Variants in JAK2 observed in about 807,000 individuals in gnomAD.
JAK2 encodes tyrosine-protein kinase JAK2.
In JAK2, 86 loss-of-function variants were observed where a neutral mutation model predicts 139.3. The observed-to-expected ratio is 0.62, with a 90% CI of 0.52 to 0.74. The LOEUF (loss-of-function observed/expected upper bound fraction) is 0.74, where lower values mean the gene tolerates loss of function less well. Among genes scored for constraint, JAK2 ranks in the 30% least tolerant of loss-of-function variants. The pLI is 0.00. For missense variants in JAK2, 1,421 were observed against 1,360.3 expected (o/e 1.04, Z -0.70); for synonymous variants, 490 against 437.7 (o/e 1.12, Z -1.49).
chr9:4,999,440 A>G (rs763594397), intron 2 of JAK2, among the ~76,000 whole-genome samples: 1 of 152,240 alleles, frequency 6.6e-6, no homozygotes, highest in African/African-American at 2.4e-5. Flanking sequence ...TAAAAATGAC[A>G]TTAGTCAAAG....
intron 3 of JAK2, among the ~76,000 whole-genome samples, chr9:5,023,895 TTTTTTTAGCTTTTAAGA>T (rs912002437): frequency 6.6e-6 from 1 of 152,066 alleles, no homozygotes; most frequent in Non-Finnish European, 1.5e-5. Flanking sequence ...GCTTGTAAGA[TTTTTTTAGCTTTTAAGA>T]TTTTTTAGCT....
intron 2 of JAK2, among the ~76,000 whole-genome samples, chr9:5,010,779 TGA>T (rs1422994721): frequency 2.0e-5 from 3 of 152,222 alleles, no homozygotes; most frequent in African/African-American, 7.2e-5. Context: ...TTCTTGAGTG[TGA>T]GTTTGTTGGT....
intron 8 of JAK2, among the ~76,000 whole-genome samples, chr9:5,058,533 G>C (rs1167047192): frequency 6.6e-6 from 1 of 152,158 alleles, no homozygotes; most frequent in Non-Finnish European, 1.5e-5. Context: ...AAAGATGAGA[G>C]TTGGGTGGGG....
intron 2 of JAK2, among the ~76,000 whole-genome samples, chr9:4,988,404 C>G (rs911294011): frequency 1.4e-4 from 22 of 152,114 alleles, no homozygotes; most frequent in Non-Finnish European, 2.5e-4. Flanking sequence ...TGGTATTGTC[C>G]AATTTGATTC....
rs1026907030 is a variant in JAK2 at position 5,000,064 on chromosome 9, T to C, written c.-26+14042T>C. Among the ~76,000 whole-genome samples, 8 of 152,204 alleles carry C rather than the reference T, an allele frequency of 5.3e-5. No individual in the cohort carries two copies. In the South Asian group the frequency reaches 1.7e-3, roughly 31 times the overall value. On this transcript the variant is annotated intron_variant, in intron 2 of 24. Transcript: ENST00000381652. ...ATGTTGACCATGTTTTCATTTCTTT[T>C]GTGAAATGCCTATTTATGTTCATTT...
Position 5,066,803 on chromosome 9 carries a change from A to G in JAK2, c.1326+14A>G. On this transcript the variant is annotated intron_variant, in intron 10 of 24. Coordinates refer to ENST00000381652, the MANE Select transcript of JAK2 (RefSeq NM_004972.4). ...TTTGCTGTCGAGGTTAGTATGTCACACTTATTAGTGGTAACACTTTATTTA... is the reference window on the plus strand; with the variant it reads ...TTTGCTGTCGAGGTTAGTATGTCACGCTTATTAGTGGTAACACTTTATTTA... 8.3e-7 allele frequency: 1 copy of G among 1,199,918 alleles called. No individual in the cohort carries two copies. The highest frequency in any genetic ancestry group is 1.2e-6 in the Non-Finnish European group (1 of 852,176). The allele number at this position is 1,199,918 out of a possible 1,614,324, so 74.3% of individuals were successfully genotyped here.
At chr9:4,989,590 A>G (rs970576781) in intron 2 of JAK2, among the ~76,000 whole-genome samples, 1 of 152,358 alleles carries the variant, frequency 6.6e-6, no homozygotes, top group Admixed American at 6.5e-5. Flanking sequence ...TGTATTCAAA[A>G]GAGAAATAAA....
intron 7 of JAK2, 76 bp from the exon 8 acceptor site, chr9:5,055,593 T>C (rs1817704970): frequency 8.7e-7 from 1 of 1,144,274 alleles, no homozygotes; most frequent in Non-Finnish European, 1.2e-6. Context: ...GGAAAGAATG[T>C]TGTCTTCTTA....
intron 8 of JAK2, among the ~76,000 whole-genome samples, chr9:5,062,084 ACC>A (rs1319866494): frequency 6.6e-6 from 1 of 152,098 alleles, no homozygotes; most frequent in African/African-American, 2.4e-5. Context: ...ATTACAGTTG[ACC>A]CTTGGACATC....
chr9:5,090,651 T>C (rs1215063202), intron 21 of JAK2, 81 bp downstream of exon 21: 5 of 1,516,266 alleles, frequency 3.3e-6, no homozygotes, highest in Non-Finnish European at 4.4e-6. Flanking sequence ...GACGTTTTCA[T>C]AGATAATAAA....
intron 22 of JAK2, chr9:5,113,839 A>G: frequency 5.2e-6 from 1 of 192,760 alleles, no homozygotes; most frequent in South Asian, 9.3e-5. Context: ...CCAGGTCAGT[A>G]CCTTCAGCAT....
chr9:5,100,932 G>A (rs1460933214), intron 22 of JAK2: 1 of 152,216 alleles, frequency 6.6e-6, no homozygotes, highest in South Asian at 2.1e-4. Flanking sequence ...GTCTGAATAG[G>A]AATAGCTCCA....
intron 2 of JAK2, among the ~76,000 whole-genome samples, chr9:4,992,379 T>G (rs1820305625): frequency 6.6e-6 from 1 of 152,182 alleles, no homozygotes; most frequent in Non-Finnish European, 1.5e-5. Flanking sequence ...CATGTCCTAC[T>G]GGTTGTAAGG....
intron 5 of JAK2, among the ~76,000 whole-genome samples, chr9:5,045,319 C>T (rs771424375): frequency 6.6e-5 from 10 of 152,056 alleles, no homozygotes; most frequent in Non-Finnish European, 1.3e-4. Flanking sequence ...TGAGAGGAAG[C>T]CTAGTAAGCC....
intron 2 of JAK2, among the ~76,000 whole-genome samples, chr9:5,020,982 A>T (rs538723069): frequency 1.3e-5 from 2 of 152,210 alleles, no homozygotes; most frequent in Non-Finnish European, 1.5e-5. Context: ...AAGCAATGTC[A>T]TTGTGCAGTC....
intron 5 of JAK2, 122 bp from the exon 6 acceptor site, chr9:5,050,564 C>G: frequency 1.0e-6 from 1 of 997,256 alleles, no homozygotes; most frequent in Non-Finnish European, 1.5e-6. Context: ...AGCCACTGAG[C>G]CTGGCCAATT....
chr9:5,008,623 CT>C (rs1288799871), intron 2 of JAK2, among the ~76,000 whole-genome samples: 1 of 152,170 alleles, frequency 6.6e-6, no homozygotes, highest in East Asian at 1.9e-4. Context: ...GGTAAAAGCT[CT>C]GAGTAGACAG....
At chr9:5,041,502 G>T in intron 4 of JAK2, 1 of 576,476 alleles carries the variant, frequency 1.7e-6, no homozygotes, top group Non-Finnish European at 3.4e-6. Flanking sequence ...GAAGATCGGG[G>T]ACACATAGCG....
At chr9:5,090,411 A>T in intron 20 of JAK2, 35 bp from the exon 21 acceptor site, 1 of 1,451,618 alleles carries the variant, frequency 6.9e-7, no homozygotes, top group African/African-American at 1.4e-5. Flanking sequence ...ATAATATGGC[A>T]GAGTAAAACA....
Sources: gnomAD v4.1 joint callset for allele counts (sites outside exome capture counted in the v4.1 genomes callset) on GRCh38, gnomAD v4.1.1 for gene constraint, MANE v1.5 for transcripts, NCBI Gene and HGNC (gene_info 2026-07-23, HGNC 2026-07-21) for gene names.